Variants in UBE3C observed in about 807,000 individuals in gnomAD.
UBE3C encodes ubiquitin-protein ligase E3C.
Under a neutral mutation model 129.4 loss-of-function variants are expected in UBE3C, and 42 were observed. The ratio of observed to expected loss-of-function variants is 0.32; its 90% CI spans 0.25 to 0.42. The LOEUF is 0.42. Among genes scored for constraint, UBE3C ranks in the 10% least tolerant of loss-of-function variants. UBE3C has a pLI of 1.00. For missense variants in UBE3C, 1,049 were observed against 1,319.1 expected (o/e 0.80, Z 3.17); for synonymous variants, 510 against 492.4 (o/e 1.04, Z -0.47).
At position 157,200,508 on chromosome 7, in the gene UBE3C, G is replaced by T. The variant is rs1185474136; in HGVS notation, c.1332-1213G>T. On this transcript the variant is annotated intron_variant, in intron 10 of 22. Coordinates refer to ENST00000348165, the MANE Select transcript of UBE3C (RefSeq NM_014671.3). The stretch of plus-strand genomic sequence containing the variant: ...ATTTATGCTAGCTGATTACACAATT[G>T]TGGCTAGAATGTTTATCCTGTCACA... 2.0e-5 allele frequency among the ~76,000 whole-genome samples: 3 copies of T among 152,174 alleles called. No homozygotes were observed. In the East Asian group the frequency reaches 5.8e-4, roughly 29 times the overall value.
chr7:157,268,953 T>G lies in UBE3C; in HGVS notation c.*1198T>G, dbSNP rs1460041107. 6.6e-6 allele frequency: 1 copy of G among 152,656 alleles called. No homozygotes were observed. The highest frequency in any genetic ancestry group is 1.5e-5 in the Non-Finnish European group (1 of 68,048). The allele number at this position is 152,656 out of a possible 1,614,324, so 9.5% of individuals were successfully genotyped here. A position where few individuals can be genotyped will look rare whatever the true frequency, so the allele number is the denominator to read the frequency against. ...CATTTATCTCTTCTATGTCTCGTATTTTACTGTCACTGGAGGCTCTGTGGG... is the reference window on the plus strand; with the variant it reads ...CATTTATCTCTTCTATGTCTCGTATGTTACTGTCACTGGAGGCTCTGTGGG... On this transcript the variant is annotated 3_prime_UTR_variant, in exon 23 of 23. Transcript: ENST00000348165.
intron 8 of UBE3C, among the ~76,000 whole-genome samples, chr7:157,183,225 T>G (rs1201143729): frequency 6.6e-6 from 1 of 152,160 alleles, no homozygotes; most frequent in Admixed American, 6.6e-5. Flanking sequence ...ATCTGAGGGC[T>G]TAGTCCTGCA....
chr7:157,151,146 A>G (rs1807746366), intron 1 of UBE3C, among the ~76,000 whole-genome samples: 1 of 152,246 alleles, frequency 6.6e-6, no homozygotes, highest in African/African-American at 2.4e-5. Flanking sequence ...AAAGGGCAGC[A>G]GTAGCAAAGC....
chr7:157,208,662 A>G (rs1809507122), intron 13 of UBE3C, among the ~76,000 whole-genome samples: 2 of 152,196 alleles, frequency 1.3e-5, no homozygotes, highest in Admixed American at 1.3e-4. Flanking sequence ...GTAGGTCATT[A>G]ATTTTTAATG....
intron 22 of UBE3C, among the ~76,000 whole-genome samples, chr7:157,264,133 A>G (rs1203740590): frequency 6.7e-6 from 1 of 149,800 alleles, no homozygotes; most frequent in Non-Finnish European, 1.5e-5. Flanking sequence ...TGTTACGTGC[A>G]CACACACACA....
At chr7:157,243,817 A>G (rs1340756455) in intron 18 of UBE3C, among the ~76,000 whole-genome samples, 1 of 152,136 alleles carries the variant, frequency 6.6e-6, no homozygotes. Flanking sequence ...GTTTTTTTGC[A>G]AACAGATTCA....
intron 10 of UBE3C, chr7:157,192,321 A>G (rs1808990467): frequency 1.9e-6 from 1 of 523,034 alleles, no homozygotes; most frequent in Non-Finnish European, 3.5e-6. Context: ...TAGTAAGAGA[A>G]GGGGCTTCCT....
At chr7:157,231,654 T>G in intron 18 of UBE3C, 1 of 302,742 alleles carries the variant, frequency 3.3e-6, no homozygotes, top group Non-Finnish European at 6.3e-6. Flanking sequence ...GGTGACTTTT[T>G]ACAGGAGGGA....
intron 1 of UBE3C, among the ~76,000 whole-genome samples, chr7:157,144,566 A>G (rs2116789048): frequency 6.6e-6 from 1 of 152,266 alleles, no homozygotes; most frequent in African/African-American, 2.4e-5. Flanking sequence ...TAAAGAAGCT[A>G]GGGATGAATA....
At chr7:157,218,143 G>A (rs983135688) in intron 14 of UBE3C, among the ~76,000 whole-genome samples, 2 of 152,024 alleles carry the variant, frequency 1.3e-5, no homozygotes, top group African/African-American at 4.8e-5. Flanking sequence ...GAGTGGTGGA[G>A]GGTATAAAAG....
intron 1 of UBE3C, among the ~76,000 whole-genome samples, chr7:157,144,721 GT>G (rs1807557858): frequency 6.6e-6 from 1 of 151,940 alleles, no homozygotes; most frequent in African/African-American, 2.4e-5. Flanking sequence ...TTTTAGAGCA[GT>G]TTCAGGTTTA....
intron 1 of UBE3C, among the ~76,000 whole-genome samples, chr7:157,144,737 C>T (rs1807558508): frequency 6.6e-6 from 1 of 152,038 alleles, no homozygotes; most frequent in Admixed American, 6.6e-5. Context: ...GGTTTACAAT[C>T]AAGCAGAGGG....
chr7:157,263,057 G>C (rs1456518814), intron 22 of UBE3C: 2 of 152,290 alleles, frequency 1.3e-5, no homozygotes, highest in African/African-American at 4.8e-5. Context: ...CTCCTCTTCT[G>C]TCCTCCCAGT....
chr7:157,236,709 C>G (rs1195107994), intron 18 of UBE3C, among the ~76,000 whole-genome samples: 1 of 151,882 alleles, frequency 6.6e-6, no homozygotes, highest in Non-Finnish European at 1.5e-5. Flanking sequence ...TGTATAATAC[C>G]TTGTTTTGAA....
At chr7:157,253,555 T>G (rs1460600715) in intron 19 of UBE3C, among the ~76,000 whole-genome samples, 1 of 152,236 alleles carries the variant, frequency 6.6e-6, no homozygotes, top group East Asian at 1.9e-4. Flanking sequence ...GAGAAATCAC[T>G]TTACTACAGC....
intron 1 of UBE3C, among the ~76,000 whole-genome samples, chr7:157,151,498 A>G (rs138097397): frequency 3.3e-4 from 50 of 152,086 alleles, no homozygotes; most frequent in Admixed American, 8.5e-4. Context: ...TTAAAATGCT[A>G]TTTTTCTAGA....
At chr7:157,140,520 A>G (rs1349711516) in intron 1 of UBE3C, among the ~76,000 whole-genome samples, 1 of 152,206 alleles carries the variant, frequency 6.6e-6, no homozygotes, top group East Asian at 1.9e-4. Flanking sequence ...CACGTTAATG[A>G]AAATGTTTTA....
chr7:157,232,585 C>T (rs530535103), intron 18 of UBE3C, among the ~76,000 whole-genome samples: 4 of 152,350 alleles, frequency 2.6e-5, no homozygotes. Context: ...CTCCTGACCT[C>T]AAGTGGTCCA....
chr7:157,257,945 T>G (rs182494595), intron 22 of UBE3C, among the ~76,000 whole-genome samples: 5 of 147,408 alleles, frequency 3.4e-5, no homozygotes, highest in Non-Finnish European at 6.0e-5. Context: ...TTTCCTTTTT[T>G]CTTTTTTTTT....
Sources: allele counts gnomAD v4.1 joint callset (sites outside exome capture counted in the v4.1 genomes callset), GRCh38; gene constraint gnomAD v4.1.1; transcripts MANE v1.5; gene names NCBI Gene and HGNC (gene_info 2026-07-23, HGNC 2026-07-21).